The following CCDC171 variants were observed in gnomAD, a reference collection of about 807,000 sequenced individuals.
CCDC171 encodes coiled-coil domain-containing protein 171.
CCDC171 carries 177 observed loss-of-function variants against 168.2 expected under a neutral mutation model. The observed-to-expected ratio is 1.05, with a 90% CI of 0.93 to 1.19. The LOEUF (loss-of-function observed/expected upper bound fraction) is 1.19, where lower values mean the gene tolerates loss of function less well. Ranked by LOEUF, CCDC171 falls within the 50% of genes most tolerant of loss-of-function variation. The probability of loss-of-function intolerance (pLI) is 0.00; values close to 1 mark genes in which losing one functional copy is unlikely to be tolerated. For missense variants in CCDC171, 1,991 were observed against 1,539.0 expected, an observed-to-expected ratio of 1.29 and a Z score of -4.91; for synonymous variants, 687 against 540.8, an observed-to-expected ratio of 1.27 and a Z score of -3.75.
chr9:15,855,985 TC>T (rs2061336014), intron 23 of CCDC171, among the ~76,000 whole-genome samples: 1 of 151,954 alleles, frequency 6.6e-6, no homozygotes, highest in African/African-American at 2.4e-5. Context: ...CTTTTATATT[TC>T]CCTACGTAGT....
At chr9:15,682,540 AGTGATCAGATGTGGGTAATTAC>A (rs2050110170) in intron 10 of CCDC171, among the ~76,000 whole-genome samples, 1 of 151,942 alleles carries the variant, frequency 6.6e-6, no homozygotes, top group Non-Finnish European at 1.5e-5. Context: ...TACAACATAA[AGTGATCAGATGTGGGTAATTAC>A]TATCTCAAAC....
intron 23 of CCDC171, among the ~76,000 whole-genome samples, chr9:15,858,670 A>T (rs372048618): frequency 2.1e-4 from 32 of 152,112 alleles, no homozygotes; most frequent in African/African-American, 7.5e-4. Flanking sequence ...TGATGTGGTT[A>T]TAAGTGTGAT....
At chr9:15,892,449 A>G (rs1820346395) in intron 24 of CCDC171, among the ~76,000 whole-genome samples, 1 of 152,140 alleles carries the variant, frequency 6.6e-6, no homozygotes, top group Admixed American at 6.6e-5. Context: ...TTCTGCATCT[A>G]TTGAGATAAT....
chr9:15,858,013 A>G (rs979494715), intron 23 of CCDC171, among the ~76,000 whole-genome samples: 5 of 151,614 alleles, frequency 3.3e-5, no homozygotes, highest in African/African-American at 1.2e-4. Flanking sequence ...GCATATGTAT[A>G]TATGTTTTTT....
intron 4 of CCDC171, chr9:16,022,286 A>G (rs997687203): frequency 6.6e-6 from 1 of 152,196 alleles, no homozygotes; most frequent in Non-Finnish European, 1.5e-5. Context: ...AGATTTGAAG[A>G]CCTGTATGTT....
intron 21 of CCDC171, among the ~76,000 whole-genome samples, chr9:15,794,604 G>A (rs1347823095): frequency 1.3e-5 from 2 of 152,122 alleles, no homozygotes; most frequent in Non-Finnish European, 2.9e-5. Context: ...TCAGGTAATA[G>A]CAAACTATGA....
chr9:15,966,949 A>ATG (rs1195521217), intron 25 of CCDC171, among the ~76,000 whole-genome samples: 1 of 151,974 alleles, frequency 6.6e-6, no homozygotes, highest in African/African-American at 2.4e-5. Context: ...TATCAAGTAT[A>ATG]TGTGTGTGTG....
chr9:15,658,445 G>A lies in CCDC171; in HGVS notation c.915+1226G>A, dbSNP rs568805320. On this transcript the variant is annotated intron_variant, in intron 8 of 25. Coordinates refer to ENST00000380701, the MANE Select transcript of CCDC171 (RefSeq NM_173550.4). ...AACGACTGTAGCAATGGAAAAGAGG[G>A]CTCCTGTGGCAGAATAACAGTCCCT... Among the ~76,000 whole-genome samples the A allele has an allele frequency of 2.0e-4, 30 of 152,270 alleles. No homozygotes were observed. The East Asian group carries it at 5.6e-3, about 28-fold the overall frequency.
chr9:15,906,995 T>C (rs1472549091), intron 24 of CCDC171, among the ~76,000 whole-genome samples: 5 of 151,872 alleles, frequency 3.3e-5, no homozygotes, highest in African/African-American at 4.8e-5. Flanking sequence ...CACTGCTCAA[T>C]GAAATAAAAG....
intron 25 of CCDC171, among the ~76,000 whole-genome samples, chr9:15,968,895 GAA>G (rs1564086223): frequency 1.3e-5 from 2 of 152,000 alleles, no homozygotes; most frequent in Non-Finnish European, 2.9e-5. Flanking sequence ...CTCATTTCAT[GAA>G]AAAAGTTTTT....
intron 25 of CCDC171, among the ~76,000 whole-genome samples, chr9:15,947,265 T>G (rs994095582): frequency 5.9e-5 from 9 of 152,128 alleles, no homozygotes; most frequent in Admixed American, 3.9e-4. Context: ...AGGGTGTTTG[T>G]GGAATTTATG....
chr9:15,614,475 T>C (rs995642072), intron 6 of CCDC171, among the ~76,000 whole-genome samples: 1 of 152,218 alleles, frequency 6.6e-6, no homozygotes, highest in Non-Finnish European at 1.5e-5. Context: ...TAAATGCTTT[T>C]TGGATTACTG....
At chr9:15,758,787 G>A (rs992687050) in intron 18 of CCDC171, among the ~76,000 whole-genome samples, 6 of 152,168 alleles carry the variant, frequency 3.9e-5, no homozygotes, top group Middle Eastern at 3.2e-3. Flanking sequence ...AGGTTTGATA[G>A]TTTGATAAGG....
At chr9:15,855,970 A>C (rs1218641836) in intron 23 of CCDC171, among the ~76,000 whole-genome samples, 1 of 151,924 alleles carries the variant, frequency 6.6e-6, no homozygotes, top group African/African-American at 2.4e-5. Flanking sequence ...ATACATTAAT[A>C]CTGACTTTTA....
intron 24 of CCDC171, among the ~76,000 whole-genome samples, chr9:15,914,564 G>A (rs956207464): frequency 6.6e-6 from 1 of 152,182 alleles, no homozygotes; most frequent in South Asian, 2.1e-4. Context: ...TCAAGCCAGT[G>A]GATCTTAGCT....
intron 21 of CCDC171, among the ~76,000 whole-genome samples, chr9:15,844,629 T>G (rs1379342963): frequency 6.6e-6 from 1 of 152,134 alleles, no homozygotes. Context: ...TATATCACTT[T>G]GTTTATACCA....
rs934917199 is a variant in CCDC171, at chr9:15,577,502, C to T, written c.178-1347C>T. 3.9e-5 allele frequency among the ~76,000 whole-genome samples: 6 copies of T among 152,210 alleles called. No homozygotes were observed. The East Asian group carries it at 5.8e-4, about 15-fold the overall frequency. On this transcript the variant is annotated intron_variant, in intron 3 of 25. Transcript: ENST00000380701. ...GCTGTAGATCACTAGAATCCCATTTCTACCTGCAAAGAGGCTTTCACTGTG... is the reference window on the plus strand; with the variant it reads ...GCTGTAGATCACTAGAATCCCATTTTTACCTGCAAAGAGGCTTTCACTGTG...
chr9:16,050,618 A>G (rs1833735363), intron 1 of CCDC171, among the ~76,000 whole-genome samples: 2 of 152,190 alleles, frequency 1.3e-5, no homozygotes, highest in African/African-American at 4.8e-5. Context: ...AATTCGTTTT[A>G]TGCACTTTTT....
At chr9:15,666,141 T>G (rs965707120) in intron 8 of CCDC171, 22 bp from the exon 9 acceptor site, 9 of 1,607,572 alleles carry the variant, frequency 5.6e-6, no homozygotes, top group Non-Finnish European at 7.6e-6. Flanking sequence ...CTTGATTTAA[T>G]TACTTGTCTG....
Sources: allele counts gnomAD v4.1 joint callset (sites outside exome capture counted in the v4.1 genomes callset), GRCh38; gene constraint gnomAD v4.1.1; transcripts MANE v1.5; gene names NCBI Gene and HGNC (gene_info 2026-07-23, HGNC 2026-07-21).